Variants in SLC35H1 observed in about 807,000 individuals in gnomAD.
SLC35H1 encodes solute carrier family 35 member H1, also known as ovarian cancer-overexpressed gene 1 protein.
At chr20:46,353,317 CT>C in the SLC35H1 span, 8 of 152,252 alleles carry the variant, frequency 5.3e-5, no homozygotes, top group African/African-American at 1.9e-4. Flanking sequence ...TGCACACCCC[CT>C]ACCCCAAATT....
At chr20:46,355,946 A>G in the SLC35H1 span, 2 of 1,597,630 alleles carry the variant, frequency 1.3e-6, no homozygotes, top group Non-Finnish European at 1.7e-6. The surrounding 1 kb of genome is among the most constrained non-coding windows in gnomAD (Gnocchi z 4.8). Context: ...AAGGAGCAGG[A>G]GCACAAATCA....
At chr20:46,350,805 G>C in the SLC35H1 span, 2 of 1,613,980 alleles carry the variant, frequency 1.2e-6, no homozygotes, top group East Asian at 2.2e-5. Context: ...GGATATTCCC[G>C]AGAGGCAGAG....
the SLC35H1 span, chr20:46,348,530 G>A: frequency 2.0e-5 from 3 of 152,242 alleles, no homozygotes; most frequent in Admixed American, 6.5e-5. Context: ...TGAGCTTGCG[G>A]AATCCAAGGG....
chr20:46,350,344 T>C, the SLC35H1 span: 1 of 1,549,024 alleles, frequency 6.5e-7, no homozygotes, highest in South Asian at 1.2e-5. Flanking sequence ...CAGTGAGTGC[T>C]GGCAGCAGGC....
chr20:46,349,992 T>C, the SLC35H1 span: 1 of 156,566 alleles, frequency 6.4e-6, no homozygotes, highest in African/African-American at 2.4e-5. Flanking sequence ...ACCTGCTCTC[T>C]GAGAAAAGAC....
the SLC35H1 span, chr20:46,355,277 G>T: frequency 1.9e-6 from 3 of 1,577,618 alleles, no homozygotes; most frequent in South Asian, 2.3e-5. This position sits in a 1 kb window ranked among gnomAD's most constrained non-coding sequence, Gnocchi z 4.8. Context: ...CTAACTCGGG[G>T]GTCTTGAGGG....
At chr20:46,349,806 T>C in the SLC35H1 span, 5 of 152,186 alleles carry the variant, frequency 3.3e-5, no homozygotes, top group African/African-American at 1.2e-4. Context: ...ACTGGTGTTC[T>C]AACAGGAGCG....
At chr20:46,355,279 T>C in the SLC35H1 span, 6 of 1,577,538 alleles carry the variant, frequency 3.8e-6, no homozygotes, top group Non-Finnish European at 5.2e-6. This position sits in a 1 kb window ranked among gnomAD's most constrained non-coding sequence, Gnocchi z 4.8. Context: ...AACTCGGGGG[T>C]CTTGAGGGTC....
the SLC35H1 span, among the ~76,000 whole-genome samples, chr20:46,360,930 T>C: frequency 6.6e-6 from 1 of 152,206 alleles, no homozygotes. Context: ...AAAGGGACTG[T>C]TACAAAATAT....
At chr20:46,353,614 G>T in the SLC35H1 span, among the ~76,000 whole-genome samples, 2 of 152,204 alleles carry the variant, frequency 1.3e-5, no homozygotes, top group East Asian at 1.9e-4. Context: ...AACTGCAAAG[G>T]CGTCGGCAAA....
the SLC35H1 span, among the ~76,000 whole-genome samples, chr20:46,359,534 A>C: frequency 5.9e-5 from 9 of 152,174 alleles, no homozygotes; most frequent in Admixed American, 5.9e-4. Flanking sequence ...ATGGAGAAGG[A>C]AACCAACACT....
chr20:46,350,788 C>T, the SLC35H1 span: 23 of 1,613,956 alleles, frequency 1.4e-5, no homozygotes, highest in Middle Eastern at 3.3e-4. Context: ...TTGAGGGCAA[C>T]GTGGAGGGAT....
chr20:46,354,318 T>C, the SLC35H1 span, among the ~76,000 whole-genome samples: 1 of 152,122 alleles, frequency 6.6e-6, no homozygotes, highest in Non-Finnish European at 1.5e-5. Context: ...GATGCCTTGC[T>C]CCCTGCAGCC....
At chr20:46,362,601 TG>T in the SLC35H1 span, among the ~76,000 whole-genome samples, 1 of 152,172 alleles carries the variant, frequency 6.6e-6, no homozygotes, top group African/African-American at 2.4e-5. Context: ...TGCTGGCTCA[TG>T]GTAGAGGCTT....
At chr20:46,358,552 C>G in the SLC35H1 span, 1 of 1,613,992 alleles carries the variant, frequency 6.2e-7, no homozygotes, top group Non-Finnish European at 8.5e-7. Flanking sequence ...CGGGGGCAGG[C>G]ACCCCTCTTG....
chr20:46,362,911 C>T, the SLC35H1 span, among the ~76,000 whole-genome samples: 1 of 152,324 alleles, frequency 6.6e-6, no homozygotes, highest in South Asian at 2.1e-4. Context: ...GGAATACAGG[C>T]ATGTGCCACC....
At chr20:46,363,379 G>T in the SLC35H1 span, among the ~76,000 whole-genome samples, 2 of 152,062 alleles carry the variant, frequency 1.3e-5, no homozygotes, top group South Asian at 4.1e-4. Context: ...ATATCTAACT[G>T]CCTATTTGGT....
the SLC35H1 span, chr20:46,350,916 CA>C: frequency 6.2e-7 from 1 of 1,612,352 alleles, no homozygotes; most frequent in Non-Finnish European, 8.5e-7. Flanking sequence ...CAGGAGGGAG[CA>C]TGATCAACAG....
chr20:46,352,117 G>T, the SLC35H1 span: 2 of 1,614,094 alleles, frequency 1.2e-6, no homozygotes, highest in African/African-American at 1.3e-5. Context: ...ACTCAGAGAA[G>T]CCCAAACCAA....
Sources: gnomAD v4.1 joint callset for allele counts (sites outside exome capture counted in the v4.1 genomes callset) on GRCh38, gnomAD v4.1.1 for gene constraint, Gnocchi (gnomAD v3.1) non-coding constraint, MANE v1.5 for transcripts, NCBI Gene and HGNC (gene_info 2026-07-23, HGNC 2026-07-21) for gene names.